Variants in TTC3 observed in about 807,000 individuals in gnomAD.
TTC3 encodes tetratricopeptide repeat domain 3, also known as E3 ubiquitin-protein ligase TTC3.
Under a neutral mutation model 249.6 loss-of-function variants are expected in TTC3, and 180 were observed. The ratio of observed to expected loss-of-function variants is 0.72; its 90% CI spans 0.64 to 0.82. The LOEUF is 0.82. Ranked by LOEUF, TTC3 falls within the 40% of genes least tolerant of loss-of-function variation. The pLI, the probability that TTC3 is intolerant of heterozygous loss-of-function variation, is 0.00. For missense variants in TTC3, 2,061 were observed against 2,398.4 expected (o/e 0.86, Z 2.94); for synonymous variants, 717 against 805.0 (o/e 0.89, Z 1.85).
rs185317819 is a variant in TTC3 at position 37,080,615 on chromosome 21, T to A, written c.-11-6632T>A. On this transcript the variant is annotated intron_variant, in intron 1 of 45. Transcript: ENST00000355666. ...AACAGATTTCCTGTAGTTCTAACAATTTTTGTTCTTCTGTATTTTGAGACT... is the reference window on the plus strand; with the variant it reads ...AACAGATTTCCTGTAGTTCTAACAAATTTTGTTCTTCTGTATTTTGAGACT... 7.9e-5 allele frequency among the ~76,000 whole-genome samples: 12 copies of A among 152,326 alleles called. No homozygotes were observed. In the South Asian group the frequency reaches 1.0e-3, roughly 13 times the overall value.
intron 44 of TTC3, among the ~76,000 whole-genome samples, chr21:37,199,261 G>T (rs907563241): frequency 2.0e-5 from 3 of 152,218 alleles, no homozygotes; most frequent in Non-Finnish European, 4.4e-5. Context: ...CTCAGCAGGG[G>T]TTTTTAGAGC....
At chr21:37,193,502 G>GT (rs2084458875) in intron 41 of TTC3, among the ~76,000 whole-genome samples, 1 of 152,108 alleles carries the variant, frequency 6.6e-6, no homozygotes, top group Admixed American at 6.5e-5. Flanking sequence ...ATCATTTATC[G>GT]TTTTTCCAAG....
At chr21:37,088,333 T>C in exon 4 of TTC3, 1 of 1,611,972 alleles carries the variant, frequency 6.2e-7, no homozygotes, top group Non-Finnish European at 8.5e-7. Context: ...ATTGCATCCC[T>C]GTGTGGACGC....
intron 18 of TTC3, 94 bp from the exon 19 acceptor site, chr21:37,138,540 G>C: frequency 2.7e-6 from 2 of 743,602 alleles, no homozygotes; most frequent in South Asian, 2.0e-5. Flanking sequence ...AGATTGATTA[G>C]TGAGATTCTA....
At chr21:37,195,952 G>T in exon 42 of TTC3, 3 of 1,614,208 alleles carry the variant, frequency 1.9e-6, no homozygotes, top group Non-Finnish European at 8.5e-7. Flanking sequence ...CCTCCAGGAC[G>T]TGCTGCGCGT....
chr21:37,156,042 G>T (rs66503059), intron 27 of TTC3, among the ~76,000 whole-genome samples: 1,910 of 37,540 alleles, frequency 0.051, 47 homozygotes, highest in African/African-American at 0.19. Flanking sequence ...GTTTGGGTTT[G>T]TTTTTTTTTT....
intron 10 of TTC3, chr21:37,098,091 G>C (rs1194280476): frequency 1.8e-6 from 1 of 571,160 alleles, no homozygotes; most frequent in Non-Finnish European, 3.2e-6. Context: ...GGATGGGCTT[G>C]ACACAGTCTT....
rs1223880853 is a variant in TTC3 at position 37,088,894 on chromosome 21, G to A, written c.426+8G>A. The A allele has an allele frequency of 1.9e-6, 3 of 1,612,586 alleles. No individual in the cohort carries two copies. Among genetic ancestry groups the A allele is most frequent in the Admixed American group, 1.7e-5 (1 of 59,908 alleles). On this transcript the variant is annotated splice_region_variant and intron_variant, in intron 5 of 45. Transcript: ENST00000355666. ...TTGGCAAAGAAAGTTGCTGTAAGTG[G>A]TAGAATGTAGGTTCCCCCGAGCCCT...
exon 2 of TTC3, chr21:37,087,260 G>A: frequency 1.9e-6 from 3 of 1,613,818 alleles, no homozygotes; most frequent in South Asian, 1.1e-5. Context: ...TGTGCACCAT[G>A]GACAATTTTG....
exon 44 of TTC3, chr21:37,197,932 C>G: frequency 1.2e-6 from 2 of 1,614,114 alleles, no homozygotes; most frequent in Non-Finnish European, 1.7e-6. Context: ...CTGCCACCCC[C>G]GTGACCAGGT....
chr21:37,105,465 G>A (rs1166400449), intron 10 of TTC3, among the ~76,000 whole-genome samples: 1 of 152,126 alleles, frequency 6.6e-6, no homozygotes, highest in East Asian at 1.9e-4. Context: ...GATGGCTGCT[G>A]TAATTCAGAC....
At chr21:37,169,311 T>A (rs1243791859) in intron 34 of TTC3, among the ~76,000 whole-genome samples, 1 of 152,180 alleles carries the variant, frequency 6.6e-6, no homozygotes, top group East Asian at 1.9e-4. Context: ...AATATAAATC[T>A]ATCTATATTA....
chr21:37,195,612 C>T, intron 41 of TTC3, 63 bp from the exon 42 acceptor site: 3 of 1,528,552 alleles, frequency 2.0e-6, no homozygotes, highest in Non-Finnish European at 2.6e-6. Flanking sequence ...GGCCTTTGTC[C>T]TTGGGCGTTT....
At chr21:37,134,805 T>C (rs932454395) in intron 17 of TTC3, among the ~76,000 whole-genome samples, 29 of 152,248 alleles carry the variant, frequency 1.9e-4, no homozygotes, top group Admixed American at 1.6e-3. Context: ...TTTTATTCCT[T>C]ATGTTATTCC....
intron 1 of TTC3, among the ~76,000 whole-genome samples, chr21:37,077,330 A>T (rs1199469724): frequency 6.6e-6 from 1 of 152,224 alleles, no homozygotes; most frequent in African/African-American, 2.4e-5. Context: ...GAGCAAAAAA[A>T]AAAGGTTGAA....
intron 18 of TTC3, among the ~76,000 whole-genome samples, chr21:37,136,932 G>T (rs1011707470): frequency 6.6e-6 from 1 of 152,146 alleles, no homozygotes; most frequent in Non-Finnish European, 1.5e-5. Flanking sequence ...AAAATCCTCA[G>T]GCCCTTAAGA....
chr21:37,073,679 G>T (rs975848695), intron 1 of TTC3, among the ~76,000 whole-genome samples: 2 of 152,084 alleles, frequency 1.3e-5, no homozygotes, highest in African/African-American at 2.4e-5. Flanking sequence ...GCAACCCCCC[G>T]CTGCCCGTGC....
At chr21:37,193,127 C>T (rs1299554407) in intron 41 of TTC3, among the ~76,000 whole-genome samples, 1 of 152,126 alleles carries the variant, frequency 6.6e-6, no homozygotes, top group African/African-American at 2.4e-5. Context: ...AGACTCTCTC[C>T]CAGCACCTGA....
chr21:37,086,933 G>A (rs2072568586), intron 1 of TTC3: 1 of 263,180 alleles, frequency 3.8e-6, no homozygotes, highest in African/African-American at 2.2e-5. Flanking sequence ...CCATGTGCTA[G>A]GCACATACAA....
Sources: allele counts gnomAD v4.1 joint callset (sites outside exome capture counted in the v4.1 genomes callset), GRCh38; gene constraint gnomAD v4.1.1; transcripts MANE v1.5; gene names NCBI Gene and HGNC (gene_info 2026-07-23, HGNC 2026-07-21).